Variants in SHANK2 observed in about 807,000 individuals in gnomAD.
The protein encoded by SHANK2 is SH3 and multiple ankyrin repeat domains 2.
Under a neutral mutation model 133.7 loss-of-function variants are expected in SHANK2, and 43 were observed. That is an observed-to-expected ratio of 0.32 (90% confidence interval 0.25 to 0.41). SHANK2 has a LOEUF of 0.41. Ranked by LOEUF, SHANK2 falls within the 10% of genes least tolerant of loss-of-function variation. The probability of loss-of-function intolerance (pLI) is 1.00; values close to 1 mark genes in which losing one functional copy is unlikely to be tolerated. For synonymous variants in SHANK2, 1,017 were observed against 952.8 expected, an observed-to-expected ratio of 1.07 and a Z score of -1.24; for missense variants, 1,994 against 2,235.8, an observed-to-expected ratio of 0.89 and a Z score of 2.18.
At chr11:70,848,055 C>T (rs1645631412) in intron 11 of SHANK2, among the ~76,000 whole-genome samples, 1 of 152,242 alleles carries the variant, frequency 6.6e-6, no homozygotes, top group South Asian at 2.1e-4. Context: ...GGCCCCACAC[C>T]TATTCCCAGT....
At chr11:70,612,757 C>T (rs1554994675) in intron 17 of SHANK2, among the ~76,000 whole-genome samples, 1 of 152,216 alleles carries the variant, frequency 6.6e-6, no homozygotes, top group African/African-American at 2.4e-5. Flanking sequence ...ACATGGATTC[C>T]CTTTGCCTTT....
chr11:70,896,342 TA>T, intron 11 of SHANK2, 158 bp downstream of exon 11: 1 of 568,878 alleles, frequency 1.8e-6, no homozygotes, highest in South Asian at 2.6e-5. Flanking sequence ...TAAAAAAAGT[TA>T]AGACCAGAGA....
At chr11:71,244,437 C>G (rs188251542) in intron 1 of SHANK2, among the ~76,000 whole-genome samples, 1 of 152,058 alleles carries the variant, frequency 6.6e-6, no homozygotes, top group Admixed American at 6.5e-5. Flanking sequence ...GCGGATCACA[C>G]GCTCCTCCCA....
At chr11:70,724,086 A>G (rs1358837168) in intron 14 of SHANK2, among the ~76,000 whole-genome samples, 1 of 149,362 alleles carries the variant, frequency 6.7e-6, no homozygotes, top group African/African-American at 2.5e-5. Context: ...CCCAGGCTGG[A>G]GTGCAGTGGC....
intron 17 of SHANK2, among the ~76,000 whole-genome samples, chr11:70,503,704 G>A (rs1290085310): frequency 1.3e-5 from 2 of 152,236 alleles, no homozygotes; most frequent in African/African-American, 2.4e-5. Flanking sequence ...CACCTGACAC[G>A]GAAGTAGGAA....
At chr11:70,771,662 G>A (rs1356157444) in intron 14 of SHANK2, among the ~76,000 whole-genome samples, 1 of 152,054 alleles carries the variant, frequency 6.6e-6, no homozygotes, top group Non-Finnish European at 1.5e-5. Context: ...CGCGCTGGGG[G>A]CCCAGCGAGC....
In SHANK2 at chr11:70,888,328, C is replaced by T. The variant is rs1949779248; in HGVS notation, c.1174+8173G>A. 2.0e-5 allele frequency among the ~76,000 whole-genome samples: 3 copies of T among 152,320 alleles called. No individual in the cohort carries two copies. The South Asian group carries it at 6.2e-4, about 32-fold the overall frequency. The stretch of plus-strand genomic sequence containing the variant: ...AGGACTCACGACATCAAACCCAACA[C>T]AGCCCACTTCCTCCAACTGCCTCCT... On this transcript the variant is annotated intron_variant, in intron 11 of 25. Transcript: ENST00000601538.
intron 14 of SHANK2, among the ~76,000 whole-genome samples, chr11:70,732,696 G>A (rs1406779857): frequency 4.6e-5 from 7 of 152,282 alleles, no homozygotes; most frequent in Admixed American, 1.3e-4. Context: ...CCATGCCCAC[G>A]CAGCCCATGC....
intron 14 of SHANK2, among the ~76,000 whole-genome samples, chr11:70,763,227 T>G (rs1346704533): frequency 2.0e-5 from 3 of 152,116 alleles, no homozygotes. Context: ...ACCCAAATGA[T>G]GCATCCTAAT....
Position 70,948,369 on chromosome 11 carries a change from C to T in SHANK2, c.1108-51802G>A, listed in dbSNP as rs571361055. 2.8e-5 allele frequency: 13 copies of T among 457,114 alleles called. No individual in the cohort carries two copies. In the Middle Eastern group the frequency reaches 9.7e-4, roughly 34 times the overall value. The allele number at this position is 457,114 out of a possible 1,614,324, so 28.3% of individuals were successfully genotyped here. On this transcript the variant is annotated intron_variant, in intron 10 of 25. Transcript: ENST00000601538. ...TGTGTCCCCAGCACCTAGAAGACAGCGTGGCTCTTACGAGAAACTCCATAT... is the reference window on the plus strand; with the variant it reads ...TGTGTCCCCAGCACCTAGAAGACAGTGTGGCTCTTACGAGAAACTCCATAT...
At chr11:70,915,613 G>A (rs1007587273) in intron 10 of SHANK2, among the ~76,000 whole-genome samples, 1 of 152,142 alleles carries the variant, frequency 6.6e-6, no homozygotes, top group Admixed American at 6.5e-5. Flanking sequence ...AAACTCCTGA[G>A]AATACCGAGA....
In SHANK2 at chr11:70,839,454, T is replaced by A. The variant is rs114497215; in HGVS notation, c.1175-18772A>T. On this transcript the variant is annotated intron_variant, in intron 11 of 25. Coordinates refer to ENST00000601538, the MANE Select transcript of SHANK2 (RefSeq NM_012309.5). ...CCCCCTGGTAGAGAGGGCGGGTACG[T>A]CAAAGGAGAGAGGGGAACAGGATGT... 4.7e-4 allele frequency among the ~76,000 whole-genome samples: 72 copies of A among 152,216 alleles called. 1 individual carries two copies. Among genetic ancestry groups the A allele is most frequent in the African/African-American group, 1.7e-3 (70 of 41,550 alleles).
At chr11:71,078,518 A>T (rs937852824) in intron 8 of SHANK2, among the ~76,000 whole-genome samples, 3 of 152,210 alleles carry the variant, frequency 2.0e-5, no homozygotes, top group African/African-American at 7.2e-5. Context: ...AGCCTCAAAG[A>T]TCACCAAACA....
chr11:70,755,614 G>C (rs782430422), intron 14 of SHANK2, among the ~76,000 whole-genome samples: 1 of 152,208 alleles, frequency 6.6e-6, no homozygotes, highest in Non-Finnish European at 1.5e-5. Flanking sequence ...ACAAGGCCCA[G>C]CAGGTTCTCC....
intron 9 of SHANK2, among the ~76,000 whole-genome samples, chr11:71,067,914 A>G (rs965127206): frequency 6.6e-6 from 1 of 150,708 alleles, no homozygotes; most frequent in Non-Finnish European, 1.5e-5. Flanking sequence ...ATCATCATCA[A>G]TATCACCAGC....
At chr11:70,919,649 T>A (rs1486095855) in intron 10 of SHANK2, among the ~76,000 whole-genome samples, 1 of 152,226 alleles carries the variant, frequency 6.6e-6, no homozygotes, top group African/African-American at 2.4e-5. Context: ...CCCAAGGTGC[T>A]GGGATCACAG....
rs564714473 is a variant in SHANK2, at chr11:70,479,787, C to T, written c.4979+5527G>A. 1.7e-4 allele frequency among the ~76,000 whole-genome samples: 26 copies of T among 152,286 alleles called. No individual in the cohort carries two copies. In the East Asian group the frequency reaches 2.9e-3, roughly 17 times the overall value. ...CAGATTTATCTGGCTTTACTATCGG[C>T]GCCTGGTATGTGTCAGTATCTCTCA... On this transcript the variant is annotated intron_variant, in intron 25 of 25. Coordinates refer to ENST00000601538, the MANE Select transcript of SHANK2 (RefSeq NM_012309.5). The surrounding 1 kb of genome is among the most constrained non-coding windows in gnomAD (Gnocchi z 4.4).
chr11:70,570,375 G>A (rs782169435), intron 17 of SHANK2, among the ~76,000 whole-genome samples: 7 of 152,202 alleles, frequency 4.6e-5, no homozygotes, highest in Non-Finnish European at 8.8e-5. Context: ...GTGCACGCGT[G>A]GGTGCCCCTG....
chr11:71,092,783 A>G (rs1209145503), intron 7 of SHANK2, among the ~76,000 whole-genome samples, 194 bp from the exon 8 acceptor site: 1 of 152,136 alleles, frequency 6.6e-6, no homozygotes, highest in Non-Finnish European at 1.5e-5. Flanking sequence ...GCTGACGCCT[A>G]TGATCCCAGC....
Sources: allele counts gnomAD v4.1 joint callset (sites outside exome capture counted in the v4.1 genomes callset), GRCh38; gene constraint gnomAD v4.1.1; non-coding constraint Gnocchi (gnomAD v3.1); transcripts MANE v1.5; gene names NCBI Gene and HGNC (gene_info 2026-07-23, HGNC 2026-07-21).